CNTN6: variants seen among roughly 807,000 people sequenced by gnomAD.
The protein encoded by CNTN6 is contactin 6, also known as contactin-6.
Under a neutral mutation model 122.8 loss-of-function variants are expected in CNTN6, and 137 were observed. The ratio of observed to expected loss-of-function variants is 1.12; its 90% CI spans 0.97 to 1.29. CNTN6 has a LOEUF of 1.29. Among genes scored for constraint, CNTN6 ranks in the 50% most tolerant of loss-of-function variants. CNTN6 has a pLI of 0.00. For missense variants in CNTN6, 1,634 were observed against 1,223.4 expected (o/e 1.34, Z -5.01); for synonymous variants, 570 against 426.0 (o/e 1.34, Z -4.16).
chr3:1,170,536 G>T (rs1426288985), intron 2 of CNTN6, among the ~76,000 whole-genome samples: 2 of 152,072 alleles, frequency 1.3e-5, no homozygotes, highest in Middle Eastern at 3.2e-3. Context: ...GGAAGATAGA[G>T]AACTTAACAT....
intron 4 of CNTN6, among the ~76,000 whole-genome samples, chr3:1,245,926 T>G (rs1459837474): frequency 6.6e-6 from 1 of 151,154 alleles, no homozygotes; most frequent in Non-Finnish European, 1.5e-5. Context: ...AAAAAAAAAT[T>G]GCAAAAAAAT....
chr3:1,354,584 C>A (rs1423111803), intron 12 of CNTN6, among the ~76,000 whole-genome samples: 2 of 151,248 alleles, frequency 1.3e-5, no homozygotes, highest in Non-Finnish European at 3.0e-5. Context: ...CCTTCTAGAA[C>A]AGAAGCATAA....
chr3:1,317,628 C>A (rs1359473656), intron 7 of CNTN6, among the ~76,000 whole-genome samples: 1 of 151,574 alleles, frequency 6.6e-6, no homozygotes, highest in East Asian at 1.9e-4. Context: ...GGCGTTTATA[C>A]CTCACTGTCT....
At chr3:1,303,345 C>G (rs1697762077) in intron 7 of CNTN6, among the ~76,000 whole-genome samples, 1 of 151,794 alleles carries the variant, frequency 6.6e-6, no homozygotes, top group Non-Finnish European at 1.5e-5. Flanking sequence ...TTTTTTGAAT[C>G]CTGGTCATTA....
chr3:1,181,207 A>T lies in CNTN6; in HGVS notation c.55+33144A>T, dbSNP rs531793043. On this transcript the variant is annotated intron_variant, in intron 2 of 22. Coordinates refer to ENST00000446702, the MANE Select transcript of CNTN6 (RefSeq NM_001289080.2). ...CTGTGAAGCAGTACTATTTTCTTTG[A>T]CTGATAAGATCATTGAAGGTGACCT... 5.9e-5 allele frequency among the ~76,000 whole-genome samples: 9 copies of T among 152,208 alleles called. No homozygotes were observed. The South Asian group carries it at 8.3e-4, about 14-fold the overall frequency.
intron 11 of CNTN6, among the ~76,000 whole-genome samples, chr3:1,349,735 TTTTG>T (rs1705332473): frequency 6.7e-6 from 1 of 149,062 alleles, no homozygotes. Flanking sequence ...CTTTTATAGT[TTTTG>T]TTTAATTTTT....
chr3:1,284,700 A>G (rs1420610599), intron 5 of CNTN6, among the ~76,000 whole-genome samples: 1 of 152,158 alleles, frequency 6.6e-6, no homozygotes, highest in African/African-American at 2.4e-5. Context: ...ATAAAAGGAG[A>G]TAGGAAATAG....
chr3:1,322,227 A>T (rs1700958550), intron 8 of CNTN6, among the ~76,000 whole-genome samples: 2 of 151,734 alleles, frequency 1.3e-5, no homozygotes, highest in Admixed American at 1.3e-4. Flanking sequence ...AAAATATAAT[A>T]CTGCATGGTG....
At chr3:1,102,695 T>C (rs550252966) in intron 1 of CNTN6, among the ~76,000 whole-genome samples, 2 of 149,786 alleles carry the variant, frequency 1.3e-5, no homozygotes, top group Admixed American at 6.6e-5. Flanking sequence ...GCCACCGCCC[T>C]CCAGCCTGGG....
chr3:1,096,187 G>C (rs1440994733), intron 1 of CNTN6, among the ~76,000 whole-genome samples: 1 of 152,068 alleles, frequency 6.6e-6, no homozygotes, highest in Non-Finnish European at 1.5e-5. Context: ...TTTTAGGTCT[G>C]TCTGCAATTT....
chr3:1,363,613 A>G (rs987730596), intron 12 of CNTN6, among the ~76,000 whole-genome samples: 1 of 151,966 alleles, frequency 6.6e-6, no homozygotes, highest in African/African-American at 2.4e-5. Context: ...ATAGAGCTGA[A>G]TAATATCCCA....
intron 1 of CNTN6, among the ~76,000 whole-genome samples, chr3:1,129,869 C>G (rs1303890856): frequency 3.6e-5 from 3 of 83,666 alleles, no homozygotes; most frequent in African/African-American, 2.4e-4. Context: ...CATCAAGACT[C>G]TATTCATTTG....
At chr3:1,167,380 G>C (rs1249940111) in intron 2 of CNTN6, among the ~76,000 whole-genome samples, 1 of 152,096 alleles carries the variant, frequency 6.6e-6, no homozygotes, top group Non-Finnish European at 1.5e-5. Flanking sequence ...CCTAGATGAC[G>C]TATCTGAAAT....
intron 4 of CNTN6, among the ~76,000 whole-genome samples, chr3:1,255,244 G>A (rs2094734578): frequency 6.6e-6 from 1 of 152,062 alleles, no homozygotes; most frequent in Admixed American, 6.6e-5. Context: ...TGCCTCTGAT[G>A]GAAGATGCTG....
intron 2 of CNTN6, among the ~76,000 whole-genome samples, chr3:1,205,075 A>T (rs1295733776): frequency 6.6e-6 from 1 of 152,198 alleles, no homozygotes. Flanking sequence ...ACTATGGAGG[A>T]ATAGTAGAGT....
At chr3:1,294,538 G>A (rs140492540) in intron 5 of CNTN6, among the ~76,000 whole-genome samples, 29 of 152,192 alleles carry the variant, frequency 1.9e-4, no homozygotes, top group African/African-American at 7.0e-4. Flanking sequence ...GTGATTAAAC[G>A]GAACACAAGT....
intron 4 of CNTN6, among the ~76,000 whole-genome samples, chr3:1,242,108 G>A (rs1301188179): frequency 1.3e-5 from 2 of 152,194 alleles, no homozygotes; most frequent in East Asian, 3.9e-4. Context: ...GAATTATGCT[G>A]AGATAGGTAA....
chr3:1,110,830 A>C lies in CNTN6; in HGVS notation c.-83+17710A>C, dbSNP rs116960294. Among the ~76,000 whole-genome samples the C allele has an allele frequency of 6.2e-4, 94 of 152,254 alleles. 1 individual carries two copies. In the East Asian group the frequency reaches 0.018, roughly 29 times the overall value. The stretch of plus-strand genomic sequence containing the variant: ...ATGACCTCTGCTGCATTCCTCTGTC[A>C]TGAGAAGAGCAGGGACTCTTAGTCC... On this transcript the variant is annotated intron_variant, in intron 1 of 22. Coordinates refer to ENST00000446702, the MANE Select transcript of CNTN6 (RefSeq NM_001289080.2).
intron 5 of CNTN6, among the ~76,000 whole-genome samples, chr3:1,287,289 T>A (rs931613860): frequency 6.6e-5 from 10 of 152,180 alleles, no homozygotes; most frequent in African/African-American, 2.4e-4. Context: ...TTTAGTAATA[T>A]CCCTGGCTTT....
Sources: gnomAD v4.1 joint callset for allele counts (sites outside exome capture counted in the v4.1 genomes callset) on GRCh38, gnomAD v4.1.1 for gene constraint, MANE v1.5 for transcripts, NCBI Gene and HGNC (gene_info 2026-07-23, HGNC 2026-07-21) for gene names.